The following SPIDR variants were observed in gnomAD, a reference collection of about 807,000 sequenced individuals.
The protein encoded by SPIDR is scaffold protein involved in DNA repair.
Under a neutral mutation model 104.6 loss-of-function variants are expected in SPIDR, and 93 were observed. That is an observed-to-expected ratio of 0.89 (90% CI 0.75 to 1.06). The LOEUF (loss-of-function observed/expected upper bound fraction) is 1.06, where lower values mean the gene tolerates loss of function less well. Ranked by LOEUF, SPIDR falls within the 50% of genes least tolerant of loss-of-function variation. The pLI, the probability that SPIDR is intolerant of heterozygous loss-of-function variation, is 0.00. For synonymous variants in SPIDR, 431 were observed against 416.9 expected, an observed-to-expected ratio of 1.03 and a Z score of -0.41; for missense variants, 1,154 against 1,111.2, an observed-to-expected ratio of 1.04 and a Z score of -0.55.
chr8:47,264,089 G>T (rs375881977), intron 1 of SPIDR, among the ~76,000 whole-genome samples: 45 of 152,318 alleles, frequency 3.0e-4, no homozygotes, highest in African/African-American at 1.1e-3. Flanking sequence ...CGAAGACTCG[G>T]ATATCTGCCT....
chr8:47,542,241 C>T (rs2088337756), intron 8 of SPIDR, among the ~76,000 whole-genome samples: 1 of 150,280 alleles, frequency 6.7e-6, no homozygotes, highest in Non-Finnish European at 1.5e-5. Flanking sequence ...TTTCTAATGA[C>T]TAAGATTGTG....
At chr8:47,405,817 A>G (rs1018365271) in intron 6 of SPIDR, among the ~76,000 whole-genome samples, 8 of 152,182 alleles carry the variant, frequency 5.3e-5, no homozygotes, top group African/African-American at 1.9e-4. Flanking sequence ...TGTTTTTACT[A>G]GAAATAGGAT....
intron 5 of SPIDR, among the ~76,000 whole-genome samples, chr8:47,331,316 G>T (rs906572127): frequency 1.3e-5 from 2 of 152,110 alleles, no homozygotes; most frequent in African/African-American, 4.8e-5. Context: ...TTTTGTCCTT[G>T]TGCGAACATC....
At position 47,736,183 on chromosome 8, in the gene SPIDR, TAAAG is replaced by T. The variant is rs1589671904; in HGVS notation, c.*735_*738del. ...AAGAATTAATTATCTTTGGACACTA[TAAAG>T]ATTTTGTTCCCTTCCTTATAGCAAT... On this transcript the variant is annotated 3_prime_UTR_variant, in exon 20 of 20. Coordinates refer to ENST00000297423, the MANE Select transcript of SPIDR (RefSeq NM_001080394.4). 1 of 153,318 alleles carries T rather than the reference TAAAG, an allele frequency of 6.5e-6. No individual in the cohort carries two copies. Among genetic ancestry groups the T allele is most frequent in the East Asian group, 1.9e-4 (1 of 5,196 alleles). 9.5% of individuals were successfully genotyped at this position (153,318 alleles called of 1,614,324 possible).
intron 5 of SPIDR, among the ~76,000 whole-genome samples, chr8:47,317,708 G>C (rs1467613552): frequency 1.3e-5 from 2 of 152,074 alleles, no homozygotes; most frequent in African/African-American, 4.8e-5. Flanking sequence ...AGTAGGGGCA[G>C]ACTAACACCT....
intron 10 of SPIDR, among the ~76,000 whole-genome samples, chr8:47,606,383 G>A (rs917328449): frequency 6.6e-5 from 10 of 151,932 alleles, no homozygotes; most frequent in Non-Finnish European, 1.2e-4. Context: ...AAAATTAGCT[G>A]GGCGTGGTGG....
chr8:47,709,159 G>T (rs975964091), intron 14 of SPIDR, among the ~76,000 whole-genome samples: 5 of 151,876 alleles, frequency 3.3e-5, no homozygotes, highest in Non-Finnish European at 7.4e-5. Context: ...GTTTGTTTTT[G>T]AGATGGAGTC....
At chr8:47,591,896 G>T (rs759655247) in intron 8 of SPIDR, among the ~76,000 whole-genome samples, 4 of 151,210 alleles carry the variant, frequency 2.6e-5, no homozygotes, top group Non-Finnish European at 4.4e-5. Context: ...GAAACGGGGC[G>T]GGGGGGCACT....
At chr8:47,375,271 G>T (rs373540504) in intron 5 of SPIDR, among the ~76,000 whole-genome samples, 4 of 103,082 alleles carry the variant, frequency 3.9e-5, no homozygotes, top group Non-Finnish European at 7.1e-5. Flanking sequence ...AGCCAGAGTC[G>T]CACTCTGTTG....
chr8:47,406,545 T>C (rs1308137936), intron 6 of SPIDR, among the ~76,000 whole-genome samples: 1 of 152,194 alleles, frequency 6.6e-6, no homozygotes, highest in Non-Finnish European at 1.5e-5. Flanking sequence ...TTCTGTTACA[T>C]GTACTACACG....
At position 47,366,250 on chromosome 8, in the gene SPIDR, G is replaced by A. The variant is rs1246021026; in HGVS notation, c.526-30126G>A. Among the ~76,000 whole-genome samples, 3 of 152,104 alleles carry A rather than the reference G, an allele frequency of 2.0e-5. No individual in the cohort carries two copies. In the East Asian group the frequency reaches 5.8e-4, roughly 29 times the overall value. ...GAGGCGTCCCAGGGACTGAGGGTGT[G>A]GTGTGGCATTGGATGACGGGGTTTG... On this transcript the variant is annotated intron_variant, in intron 5 of 19. Coordinates refer to ENST00000297423, the MANE Select transcript of SPIDR (RefSeq NM_001080394.4).
At chr8:47,525,766 C>G (rs1301034745) in intron 8 of SPIDR, among the ~76,000 whole-genome samples, 1 of 149,466 alleles carries the variant, frequency 6.7e-6, no homozygotes, top group East Asian at 2.0e-4. Context: ...AGAGTGAGAC[C>G]CTGCCTCAAA....
intron 14 of SPIDR, among the ~76,000 whole-genome samples, chr8:47,705,940 C>T (rs1391842479): frequency 6.6e-6 from 1 of 151,572 alleles, no homozygotes; most frequent in East Asian, 1.9e-4. Context: ...TTCCGTTACA[C>T]TAATGACTAA....
At chr8:47,722,854 T>G (rs2083603495) in intron 16 of SPIDR, among the ~76,000 whole-genome samples, 1 of 151,158 alleles carries the variant, frequency 6.6e-6, no homozygotes, top group Non-Finnish European at 1.5e-5. Context: ...CATATTTTGG[T>G]TTTAATATTT....
intron 8 of SPIDR, among the ~76,000 whole-genome samples, chr8:47,519,720 G>A (rs1447141274): frequency 6.6e-6 from 1 of 152,158 alleles, no homozygotes; most frequent in Non-Finnish European, 1.5e-5. Context: ...AGGAGGTCAA[G>A]GCTGCACTGA....
At chr8:47,723,404 C>A (rs2154492523) in intron 16 of SPIDR, among the ~76,000 whole-genome samples, 1 of 144,008 alleles carries the variant, frequency 6.9e-6, no homozygotes, top group African/African-American at 2.6e-5. Flanking sequence ...TTTCTCTTTT[C>A]TTTCAAAATA....
chr8:47,263,321 C>G (rs1198303748), intron 1 of SPIDR, among the ~76,000 whole-genome samples: 6 of 152,196 alleles, frequency 3.9e-5, no homozygotes, highest in Admixed American at 6.5e-5. Context: ...TACTTGCTTG[C>G]CCCTTGGTGG....
chr8:47,656,954 C>A (rs1231103825), intron 10 of SPIDR, among the ~76,000 whole-genome samples: 1 of 152,120 alleles, frequency 6.6e-6, no homozygotes, highest in Non-Finnish European at 1.5e-5. Flanking sequence ...ATAACTAGAA[C>A]AGGCAAATCC....
intron 10 of SPIDR, among the ~76,000 whole-genome samples, chr8:47,670,919 G>T (rs1284720197): frequency 6.6e-6 from 1 of 151,858 alleles, no homozygotes; most frequent in African/African-American, 2.4e-5. Context: ...CATTTTATTT[G>T]TTTTTTTGAG....
Sources: allele counts gnomAD v4.1 joint callset (sites outside exome capture counted in the v4.1 genomes callset), GRCh38; gene constraint gnomAD v4.1.1; transcripts MANE v1.5; gene names NCBI Gene and HGNC (gene_info 2026-07-23, HGNC 2026-07-21).